THRB: variants seen among roughly 807,000 people sequenced by gnomAD.
THRB encodes thyroid hormone receptor beta.
A neutral mutation model predicts 47.8 loss-of-function variants in THRB; 12 were observed. The observed-to-expected ratio is 0.25, with a 90% CI of 0.16 to 0.41. The LOEUF (loss-of-function observed/expected upper bound fraction) is 0.41. Among genes scored for constraint, THRB ranks in the 10% least tolerant of loss-of-function variants. The pLI is 1.00. For missense variants in THRB, 348 were observed against 589.2 expected (o/e 0.59, Z 4.24); for synonymous variants, 218 against 212.2 (o/e 1.03, Z -0.24).
chr3:24,330,369 A>G (rs77005291), intron 2 of THRB, among the ~76,000 whole-genome samples: 19,859 of 152,260 alleles, frequency 0.13, 1,384 homozygotes, highest in East Asian at 0.29. Flanking sequence ...CCTGTAAGGA[A>G]GTCATTTACT....
chr3:24,192,355 ATTC>A (rs57864713), intron 4 of THRB, among the ~76,000 whole-genome samples: 2,745 of 152,274 alleles, frequency 0.018, 73 homozygotes, highest in African/African-American at 0.058. Flanking sequence ...AGACATGAAA[ATTC>A]TTCTCAGCAC....
chr3:24,307,048 T>C lies in THRB; in HGVS notation c.-188-9677A>G, dbSNP rs866796184. ...GAGTTCTTGGCTGTTTTTATAAATATAATAATAAATTATAATAAAATATTA... is the reference window on the plus strand; with the variant it reads ...GAGTTCTTGGCTGTTTTTATAAATACAATAATAAATTATAATAAAATATTA... On this transcript the variant is annotated intron_variant, in intron 2 of 10. Coordinates refer to ENST00000646209, the MANE Select transcript of THRB (RefSeq NM_001354712.2). Among the ~76,000 whole-genome samples the C allele has an allele frequency of 4.6e-5, 7 of 151,730 alleles. No individual in the cohort carries two copies. In the South Asian group the frequency reaches 1.4e-3, roughly 31 times the overall value.
chr3:24,396,973 T>C (rs1212987196), intron 1 of THRB, among the ~76,000 whole-genome samples: 1 of 152,146 alleles, frequency 6.6e-6, no homozygotes, highest in Non-Finnish European at 1.5e-5. Context: ...TTTTTGCTAT[T>C]CTTAAGCACA....
intron 4 of THRB, among the ~76,000 whole-genome samples, chr3:24,208,294 A>G (rs1202492349): frequency 1.3e-5 from 2 of 152,198 alleles, no homozygotes; most frequent in Admixed American, 1.3e-4. Context: ...TATAGATTCA[A>G]TGCCATCCCC....
intron 3 of THRB, among the ~76,000 whole-genome samples, chr3:24,275,896 C>A (rs1046556133): frequency 3.3e-5 from 5 of 152,160 alleles, no homozygotes; most frequent in Admixed American, 6.5e-5. Flanking sequence ...AAATATGCCC[C>A]CTCCAGGTAA....
At chr3:24,394,998 G>A (rs1280027813) in intron 1 of THRB, among the ~76,000 whole-genome samples, 1 of 152,130 alleles carries the variant, frequency 6.6e-6, no homozygotes, top group Non-Finnish European at 1.5e-5. Flanking sequence ...GATGCCTCAT[G>A]AGCCATGCCC....
chr3:24,136,633 A>G (rs1413436553), intron 8 of THRB, among the ~76,000 whole-genome samples: 1 of 152,226 alleles, frequency 6.6e-6, no homozygotes, highest in Non-Finnish European at 1.5e-5. Context: ...TCATATACAC[A>G]TATGTATTTA....
At chr3:24,389,968 T>C (rs764189949) in intron 1 of THRB, among the ~76,000 whole-genome samples, 3 of 152,110 alleles carry the variant, frequency 2.0e-5, no homozygotes, top group African/African-American at 7.2e-5. Context: ...AATGACAGTA[T>C]AAAAATGTCT....
chr3:24,140,696 C>G (rs995625398), intron 8 of THRB, among the ~76,000 whole-genome samples: 1 of 152,176 alleles, frequency 6.6e-6, no homozygotes, highest in Non-Finnish European at 1.5e-5. Context: ...ACTTAAATAT[C>G]ACTTCTGCCA....
chr3:24,174,517 T>C (rs926435644), intron 5 of THRB, among the ~76,000 whole-genome samples: 1 of 152,188 alleles, frequency 6.6e-6, no homozygotes, highest in African/African-American at 2.4e-5. Context: ...ATCTAAAGCA[T>C]GTCACCTGTT....
intron 3 of THRB, among the ~76,000 whole-genome samples, chr3:24,277,292 G>A (rs963121566): frequency 6.6e-6 from 1 of 152,222 alleles, no homozygotes; most frequent in African/African-American, 2.4e-5. Flanking sequence ...GGCTAGGGAT[G>A]CTGCTCAACA....
At chr3:24,189,181 A>G (rs1198301929) in intron 5 of THRB, among the ~76,000 whole-genome samples, 1 of 152,044 alleles carries the variant, frequency 6.6e-6, no homozygotes, top group Non-Finnish European at 1.5e-5. Flanking sequence ...TGCAAACTTT[A>G]TTATGTTTTG....
intron 1 of THRB, among the ~76,000 whole-genome samples, chr3:24,370,548 T>C (rs1344230830): frequency 6.6e-6 from 1 of 151,962 alleles, no homozygotes; most frequent in Admixed American, 6.6e-5. Flanking sequence ...TCCAAGGAGA[T>C]AATCATCTAT....
chr3:24,186,651 A>C (rs368488920), intron 5 of THRB, among the ~76,000 whole-genome samples: 1 of 152,178 alleles, frequency 6.6e-6, no homozygotes, highest in South Asian at 2.1e-4. Context: ...GCAGGTTAAA[A>C]TAAAAGCAGT....
intron 5 of THRB, chr3:24,165,576 G>A (rs2039542499): frequency 2.0e-6 from 1 of 499,536 alleles, no homozygotes; most frequent in Non-Finnish European, 3.5e-6. Flanking sequence ...TTAGACCGAG[G>A]TGTCTTTTGA....
At chr3:24,243,956 A>T (rs1180735653) in intron 3 of THRB, among the ~76,000 whole-genome samples, 2 of 152,170 alleles carry the variant, frequency 1.3e-5, no homozygotes, top group Non-Finnish European at 2.9e-5. Flanking sequence ...CAAAAATGAC[A>T]GATTTTGAGG....
At chr3:24,138,086 G>T (rs2034924999) in intron 8 of THRB, among the ~76,000 whole-genome samples, 1 of 152,044 alleles carries the variant, frequency 6.6e-6, no homozygotes, top group African/African-American at 2.4e-5. Context: ...TGGCCAACTG[G>T]CTTTCTGCTT....
chr3:24,492,342 A>G (rs2125979806), intron 1 of THRB, among the ~76,000 whole-genome samples: 1 of 152,338 alleles, frequency 6.6e-6, no homozygotes, highest in Non-Finnish European at 1.5e-5. Context: ...AATACAATAA[A>G]GGAAAGAAAA....
At chr3:24,159,869 T>A (rs1231307127) in intron 5 of THRB, among the ~76,000 whole-genome samples, 1 of 152,166 alleles carries the variant, frequency 6.6e-6, no homozygotes, top group Non-Finnish European at 1.5e-5. Flanking sequence ...ATGGCCCCAA[T>A]GTCAATAGTG....
Sources: gnomAD v4.1 joint callset for allele counts (sites outside exome capture counted in the v4.1 genomes callset) on GRCh38, gnomAD v4.1.1 for gene constraint, MANE v1.5 for transcripts, NCBI Gene and HGNC (gene_info 2026-07-23, HGNC 2026-07-21) for gene names.